CIT: variants seen among roughly 807,000 people sequenced by gnomAD.
CIT encodes the protein citron rho-interacting serine/threonine kinase.
A neutral mutation model predicts 272.7 loss-of-function variants in CIT; 79 were observed. The ratio of observed to expected loss-of-function variants is 0.29; its 90% CI spans 0.24 to 0.35. The LOEUF (loss-of-function observed/expected upper bound fraction) is 0.35. Ranked by LOEUF, CIT falls within the 10% of genes least tolerant of loss-of-function variation. CIT has a pLI of 1.00. For missense variants in CIT, 1,909 were observed against 2,618.3 expected, an observed-to-expected ratio of 0.73 and a Z score of 5.91; for synonymous variants, 948 against 995.6, an observed-to-expected ratio of 0.95 and a Z score of 0.90.
chr12:119,808,794 A>G (rs922809306), intron 9 of CIT, among the ~76,000 whole-genome samples: 1 of 152,242 alleles, frequency 6.6e-6, no homozygotes, highest in Non-Finnish European at 1.5e-5. Flanking sequence ...CTAATTAGAC[A>G]CTATGTTCAA....
intron 21 of CIT, among the ~76,000 whole-genome samples, chr12:119,757,913 T>C (rs1961234266): frequency 6.6e-6 from 1 of 152,086 alleles, no homozygotes; most frequent in Non-Finnish European, 1.5e-5. Flanking sequence ...CAGTAACTCA[T>C]GAAGGCAGGC....
chr12:119,808,583 A>C (rs1486761946), intron 9 of CIT, among the ~76,000 whole-genome samples: 1 of 152,126 alleles, frequency 6.6e-6, no homozygotes, highest in African/African-American at 2.4e-5. Context: ...ATCACCATGG[A>C]TTGCAGAAAT....
At chr12:119,832,734 T>A (rs1462060351) in intron 7 of CIT, 37 bp downstream of exon 7, 1 of 1,516,424 alleles carries the variant, frequency 6.6e-7, no homozygotes, top group East Asian at 2.3e-5. Context: ...TACTTTTTAG[T>A]ATAAACTCTA....
chr12:119,721,296 T>C lies in CIT; in HGVS notation c.3732+13A>G, dbSNP rs1325495729. ...AGACCATTTTTAAGCAGATTCCCTC[T>C]GCCAGTCCTCACCTGAATGTTTTCC... On this transcript the variant is annotated intron_variant, in intron 29 of 47. Coordinates refer to ENST00000392521, the MANE Select transcript of CIT (RefSeq NM_001206999.2). The C allele has an allele frequency of 6.3e-7, 1 of 1,591,076 alleles. No individual in the cohort carries two copies. Among genetic ancestry groups the C allele is most frequent in the South Asian group, 1.1e-5 (1 of 89,496 alleles).
rs980152030 is a variant in CIT at position 119,837,077 on chromosome 12, C to T, written c.517-2849G>A. ...CTTCACAACATGAGGCCAAAACAGA[C>T]ACACTCAATGACAAACCTCTAAATA... On this transcript the variant is annotated intron_variant, in intron 5 of 47. Coordinates refer to ENST00000392521, the MANE Select transcript of CIT (RefSeq NM_001206999.2). Among the ~76,000 whole-genome samples, 4 of 152,188 alleles carry T rather than the reference C, an allele frequency of 2.6e-5. 1 individual carries two copies. Among genetic ancestry groups the T allele is most frequent in the Admixed American group, 1.3e-4 (2 of 15,282 alleles).
intron 43 of CIT, 34 bp from the exon 44 acceptor site, chr12:119,700,859 C>T (rs750234462): frequency 1.9e-6 from 3 of 1,538,498 alleles, no homozygotes; most frequent in Admixed American, 1.7e-5. Context: ...GGCATTAGCA[C>T]AGCCAAGAGC....
chr12:119,789,187 T>C (rs1225786726), intron 10 of CIT, among the ~76,000 whole-genome samples: 1 of 152,214 alleles, frequency 6.6e-6, no homozygotes, highest in Non-Finnish European at 1.5e-5. Context: ...TGTATTAAGC[T>C]GCTGAGTGAT....
chr12:119,787,929 C>G (rs1326060636), intron 10 of CIT, among the ~76,000 whole-genome samples: 3 of 152,130 alleles, frequency 2.0e-5, no homozygotes, highest in Non-Finnish European at 4.4e-5. Flanking sequence ...GCCTGGCACA[C>G]TGCAAGTGTT....
chr12:119,773,327 A>G (rs775066182), intron 16 of CIT, among the ~76,000 whole-genome samples: 4 of 152,218 alleles, frequency 2.6e-5, no homozygotes, highest in Non-Finnish European at 5.9e-5. Flanking sequence ...TTTGCCTCTA[A>G]GCATTAATTT....
chr12:119,807,859 G>A (rs971724345), intron 9 of CIT, among the ~76,000 whole-genome samples: 1 of 150,640 alleles, frequency 6.6e-6, no homozygotes, highest in Non-Finnish European at 1.5e-5. Flanking sequence ...AAATCATATA[G>A]TAAGACCTAT....
chr12:119,769,868 G>C (rs1962897262), intron 18 of CIT, among the ~76,000 whole-genome samples: 1 of 152,168 alleles, frequency 6.6e-6, no homozygotes, highest in African/African-American at 2.4e-5. Context: ...CTATAAGTTG[G>C]CCACTATGGA....
intron 44 of CIT, chr12:119,699,820 C>T: frequency 2.2e-6 from 1 of 456,066 alleles, no homozygotes; most frequent in Non-Finnish European, 4.4e-6. Flanking sequence ...TTTCAGATGG[C>T]TTGTTATGCA....
At chr12:119,747,094 AT>A (rs767784535) in intron 23 of CIT, among the ~76,000 whole-genome samples, 1 of 152,222 alleles carries the variant, frequency 6.6e-6, no homozygotes, top group Non-Finnish European at 1.5e-5. Context: ...GCTCTTGTTT[AT>A]GTAGTATCCA....
At chr12:119,771,359 G>T (rs751693621) in intron 17 of CIT, among the ~76,000 whole-genome samples, 4 of 152,120 alleles carry the variant, frequency 2.6e-5, no homozygotes, top group African/African-American at 7.2e-5. Flanking sequence ...GCTCTGGAGG[G>T]GGGTGGTATA....
In CIT at chr12:119,875,307, G is replaced by A. The variant is rs2464799; in HGVS notation, c.96+766C>T. Among the ~76,000 whole-genome samples the A allele has an allele frequency of 3.1e-3, 477 of 152,292 alleles. 2 individuals carry two copies. Among genetic ancestry groups the A allele is most frequent in the African/African-American group, 0.011 (453 of 41,566 alleles). ...CACAGAGCAAGACCCTGTCTTGCAA[G>A]CAACCAATCAATCAATGAATGAATA... On this transcript the variant is annotated intron_variant, in intron 2 of 47. Coordinates refer to ENST00000392521, the MANE Select transcript of CIT (RefSeq NM_001206999.2).
intron 32 of CIT, 39 bp from the exon 33 acceptor site, chr12:119,714,373 A>G (rs1265626249): frequency 1.9e-6 from 3 of 1,608,766 alleles, no homozygotes; most frequent in African/African-American, 1.3e-5. Context: ...AGAGTACTGC[A>G]AATGATCCCA....
chr12:119,761,086 T>G, intron 19 of CIT, 31 bp from the exon 20 acceptor site: 1 of 1,496,376 alleles, frequency 6.7e-7, no homozygotes, highest in Non-Finnish European at 9.3e-7. Context: ...GCAAATGTTC[T>G]CAGGAGCCAA....
At chr12:119,773,261 G>T (rs189700799) in intron 16 of CIT, among the ~76,000 whole-genome samples, 1 of 152,112 alleles carries the variant, frequency 6.6e-6, no homozygotes, top group Admixed American at 6.5e-5. Flanking sequence ...TCGATGCAAC[G>T]TAATGAATGG....
At chr12:119,703,598 G>T (rs1306253177) in intron 41 of CIT, among the ~76,000 whole-genome samples, 1 of 151,890 alleles carries the variant, frequency 6.6e-6, no homozygotes, top group Non-Finnish European at 1.5e-5. Flanking sequence ...GCTAATTTTT[G>T]TATTTTTAGT....
Sources: allele counts gnomAD v4.1 joint callset (sites outside exome capture counted in the v4.1 genomes callset), GRCh38; gene constraint gnomAD v4.1.1; transcripts MANE v1.5; gene names NCBI Gene and HGNC (gene_info 2026-07-23, HGNC 2026-07-21).